MGA: variants seen among roughly 807,000 people sequenced by gnomAD.
MGA encodes MAX gene-associated protein.
A neutral mutation model predicts 261.1 loss-of-function variants in MGA; 40 were observed. The observed-to-expected ratio is 0.15, with a 90% CI of 0.12 to 0.20. The LOEUF (loss-of-function observed/expected upper bound fraction) is 0.20. MGA is among the 10% of genes least tolerant of loss of function. MGA has a pLI of 1.00. For missense variants in MGA, 3,397 were observed against 3,630.5 expected, an observed-to-expected ratio of 0.94 and a Z score of 1.65; for synonymous variants, 1,302 against 1,290.6, an observed-to-expected ratio of 1.01 and a Z score of -0.19.
At chr15:41,699,230 CCT>C (rs1412208853) in intron 5 of MGA, 71 bp downstream of exon 5, 4 of 997,164 alleles carry the variant, frequency 4.0e-6, no homozygotes, top group Admixed American at 3.3e-5. Flanking sequence ...TCCTCTTTTT[CCT>C]CTCTCTTTCT....
chr15:41,704,112 C>G (rs768344607), intron 5 of MGA, among the ~76,000 whole-genome samples: 1 of 152,112 alleles, frequency 6.6e-6, no homozygotes, highest in East Asian at 1.9e-4. Context: ...TATGTCTGGC[C>G]GGTTTTAATG....
At chr15:41,676,187 AT>A (rs536715101) in intron 2 of MGA, among the ~76,000 whole-genome samples, 2,259 of 146,346 alleles carry the variant, frequency 0.015, 57 homozygotes, top group African/African-American at 0.051. Context: ...CTCTGGTTTG[AT>A]TTTTTTTTTT....
intron 1 of MGA, among the ~76,000 whole-genome samples, chr15:41,628,574 T>C (rs1359034511): frequency 6.6e-6 from 1 of 151,854 alleles, no homozygotes; most frequent in South Asian, 2.1e-4. Context: ...GCAAAGACTT[T>C]GTGTCAAAAA....
intron 2 of MGA, among the ~76,000 whole-genome samples, chr15:41,671,157 A>G (rs1595645168): frequency 6.6e-6 from 1 of 152,296 alleles, no homozygotes; most frequent in South Asian, 2.1e-4. Flanking sequence ...TTGTCTATAC[A>G]ATCAGTATTC....
rs1202772780 is a variant in MGA, at chr15:41,769,851, CTA to C, written c.*2573_*2574del. 3 of 152,462 alleles carry C rather than the reference CTA, an allele frequency of 2.0e-5. No individual in the cohort carries two copies. The highest frequency in any genetic ancestry group is 7.3e-5 in the African/African-American group (3 of 41,364). 9.4% of individuals were successfully genotyped at this position (152,462 alleles called of 1,614,324 possible). On this transcript the variant is annotated 3_prime_UTR_variant, in exon 24 of 24. Transcript: ENST00000219905. ...TTCCTTTTCTGCTTTCGAAAAGTGA[CTA>C]TTTTTTTAGAAATCTAAGAACAGAA...
intron 1 of MGA, among the ~76,000 whole-genome samples, chr15:41,638,909 C>T (rs557786462): frequency 8.6e-5 from 13 of 151,796 alleles, no homozygotes; most frequent in Non-Finnish European, 1.8e-4. Context: ...TGGGGTTTTG[C>T]CTTATTGCCC....
chr15:41,734,095 G>T (rs2061651596), intron 11 of MGA, among the ~76,000 whole-genome samples: 1 of 151,848 alleles, frequency 6.6e-6, no homozygotes, highest in African/African-American at 2.4e-5. Flanking sequence ...TTTTGGTATA[G>T]ATGGGGTTTT....
At chr15:41,732,150 CT>C (rs934455098) in intron 11 of MGA, among the ~76,000 whole-genome samples, 844 of 140,928 alleles carry the variant, frequency 6.0e-3, no homozygotes, top group South Asian at 0.012. Context: ...TTTTGTTATC[CT>C]TTTTTTTTTT....
Position 41,725,955 on chromosome 15 carries a change from A to C in MGA, c.3431-1225A>C, listed in dbSNP as rs184025429. On this transcript the variant is annotated intron_variant, in intron 9 of 23. Transcript: ENST00000219905. ...AATCAATGCATATTTTCCTTTGTGC[A>C]CATTTTTTGGGGGATTATTTATTAA... Among the ~76,000 whole-genome samples, 3 of 152,216 alleles carry C rather than the reference A, an allele frequency of 2.0e-5. No individual in the cohort carries two copies. The East Asian group carries it at 5.8e-4, about 29-fold the overall frequency.
At chr15:41,704,990 G>T (rs2060035054) in intron 5 of MGA, among the ~76,000 whole-genome samples, 1 of 152,194 alleles carries the variant, frequency 6.6e-6, no homozygotes, top group Non-Finnish European at 1.5e-5. Flanking sequence ...AGTTTAAACT[G>T]ACATGTAGAC....
intron 10 of MGA, 95 bp downstream of exon 10, chr15:41,727,501 C>A (rs1463034375): frequency 5.0e-6 from 6 of 1,196,582 alleles, no homozygotes; most frequent in Non-Finnish European, 6.0e-6. Flanking sequence ...TTTTGTGAAT[C>A]ATTTTGCTTT....
At chr15:41,645,639 C>A (rs1462354816) in intron 1 of MGA, among the ~76,000 whole-genome samples, 1 of 152,138 alleles carries the variant, frequency 6.6e-6, no homozygotes, top group African/African-American at 2.4e-5. Context: ...AGATTAATCA[C>A]TTTAAATTTA....
chr15:41,686,062 C>G lies in MGA; in HGVS notation c.1065-10013C>G, dbSNP rs930254619. Among the ~76,000 whole-genome samples the G allele has an allele frequency of 3.3e-5, 5 of 151,638 alleles. No homozygotes were observed. In the East Asian group the frequency reaches 9.6e-4, roughly 29 times the overall value. On this transcript the variant is annotated intron_variant, in intron 2 of 23. Transcript: ENST00000219905. ...CAATTTTTTGATAGTATATAGAAAT[C>G]CAGCTGAGTTTTACTAATTTATAGA... is the stretch of plus-strand genomic sequence containing the variant.
intron 9 of MGA, among the ~76,000 whole-genome samples, chr15:41,716,176 G>A (rs921057940): frequency 6.6e-6 from 1 of 151,912 alleles, no homozygotes; most frequent in Non-Finnish European, 1.5e-5. Context: ...GGCTGGGCAC[G>A]GTGGCGCAGG....
In MGA at chr15:41,761,788, G is replaced by T. The variant is rs773826037; in HGVS notation, c.7448G>T (p.Gly2483Val). The T allele has an allele frequency of 6.2e-7, 1 of 1,600,812 alleles. No individual in the cohort carries two copies. The highest frequency in any genetic ancestry group is 8.5e-7 in the Non-Finnish European group (1 of 1,173,134). ...ACAGATCAGGCAGACAAATTGATAGGACAGAAAAATCTCCTGACTCGAAAA... is the reference window on the plus strand; with the variant it reads ...ACAGATCAGGCAGACAAATTGATAGTACAGAAAAATCTCCTGACTCGAAAA... Residue 2483 changes from glycine (G) to valine (V), a missense_variant, in exon 21 of 24, where the codon GGA (glycine) becomes GTA (valine). Gly to Val is a moderately radical substitution (Grantham distance 109). Transcript: ENST00000219905.
intron 2 of MGA, among the ~76,000 whole-genome samples, chr15:41,678,877 C>T (rs1354060257): frequency 6.6e-6 from 1 of 151,882 alleles, no homozygotes; most frequent in Non-Finnish European, 1.5e-5. Context: ...TCTCAGCTCT[C>T]TGTATTCTGT....
At chr15:41,684,039 T>C (rs952669447) in intron 2 of MGA, among the ~76,000 whole-genome samples, 1 of 152,218 alleles carries the variant, frequency 6.6e-6, no homozygotes, top group Non-Finnish European at 1.5e-5. Context: ...GGGTTCTTCC[T>C]GTGTGCACCC....
Position 41,756,156 on chromosome 15 carries a change from G to A in MGA, c.7139+1589G>A, listed in dbSNP as rs990791270. ...AAAGCCAAACTCAGATATGAAGAAA[G>A]TGTTTGCCATACGTATTAACTAACA... On this transcript the variant is annotated intron_variant, in intron 18 of 23. Transcript: ENST00000219905. Among the ~76,000 whole-genome samples, 4 of 152,276 alleles carry A rather than the reference G, an allele frequency of 2.6e-5. No individual in the cohort carries two copies. In the East Asian group the frequency reaches 7.7e-4, roughly 29 times the overall value.
At chr15:41,752,574 T>A (rs917066281) in intron 17 of MGA, among the ~76,000 whole-genome samples, 245 of 133,662 alleles carry the variant, frequency 1.8e-3, no homozygotes, top group African/African-American at 4.6e-3. Context: ...TTTTTTTTTT[T>A]AACAGAGTCT....
Sources: gnomAD v4.1 joint callset for allele counts (sites outside exome capture counted in the v4.1 genomes callset) on GRCh38, gnomAD v4.1.1 for gene constraint, MANE v1.5 for transcripts, NCBI Gene and HGNC (gene_info 2026-07-23, HGNC 2026-07-21) for gene names.